The following NPHP4 variants were observed in gnomAD, a reference collection of about 807,000 sequenced individuals.
NPHP4 encodes the protein nephrocystin-4.
A neutral mutation model predicts 155.8 loss-of-function variants in NPHP4; 151 were observed. The ratio of observed to expected loss-of-function variants is 0.97; its 90% confidence interval spans 0.85 to 1.11. The LOEUF (loss-of-function observed/expected upper bound fraction) is 1.11, where lower values mean the gene tolerates loss of function less well. Ranked by LOEUF, NPHP4 falls within the 50% of genes least tolerant of loss-of-function variation. The pLI, the probability that NPHP4 is intolerant of heterozygous loss-of-function variation, is 0.00. For missense variants in NPHP4, 1,956 were observed against 1,925.7 expected, an observed-to-expected ratio of 1.02 and a Z score of -0.29; for synonymous variants, 845 against 816.8, an observed-to-expected ratio of 1.03 and a Z score of -0.59.
intron 11 of NPHP4, among the ~76,000 whole-genome samples, chr1:5,916,378 A>C (rs1360597283): frequency 6.6e-6 from 1 of 152,252 alleles, no homozygotes; most frequent in Non-Finnish European, 1.5e-5. Flanking sequence ...ATCATAAGTT[A>C]AACACTAGTG....
At chr1:5,893,316 G>T (rs185047654) in intron 16 of NPHP4, among the ~76,000 whole-genome samples, 1 of 152,106 alleles carries the variant, frequency 6.6e-6, no homozygotes, top group Non-Finnish European at 1.5e-5. Flanking sequence ...TAGTGGCCCC[G>T]AATGTCTGGT....
chr1:5,864,118 T>C, intron 28 of NPHP4, 85 bp from the exon 29 acceptor site: 12 of 1,464,484 alleles, frequency 8.2e-6, no homozygotes, highest in African/African-American at 1.4e-5. Context: ...CTGAGTCTCC[T>C]GTGCACCGTG....
rs1476774217 is a variant in NPHP4, at chr1:5,964,935, A to ATTTTTTT, written c.517+2363_517+2364insAAAAAAA. ...ATATATATTATATATATATATATATATATATATTTTTTTTTTTTGAGGCAG... is the reference window on the plus strand; with the variant it reads ...ATATATATTATATATATATATATATATTTTTTTTATATATTTTTTTTTTTTGAGGCAG... On this transcript the variant is annotated intron_variant, in intron 5 of 29. Coordinates refer to ENST00000378156, the MANE Select transcript of NPHP4 (RefSeq NM_015102.5). Among the ~76,000 whole-genome samples, 305 of 31,950 alleles carry ATTTTTTT rather than the reference A, an allele frequency of 9.5e-3. 5 individuals carry two copies. Among genetic ancestry groups the ATTTTTTT allele is most frequent in the East Asian group, 0.022 (33 of 1,468 alleles). The allele number at this position is 31,950 out of a possible 152,430, so 21.0% of individuals were successfully genotyped here.
In NPHP4 at chr1:5,930,535, C is replaced by A. The variant is rs144633876; in HGVS notation, c.1302+2612G>T. On this transcript the variant is annotated intron_variant, in intron 10 of 29. Coordinates refer to ENST00000378156, the MANE Select transcript of NPHP4 (RefSeq NM_015102.5). ...ATTTTCCCTTGAGATTTACTCTTTACTTTATGGATTTTTACATATTGTTTA... is the reference window on the plus strand; with the variant it reads ...ATTTTCCCTTGAGATTTACTCTTTAATTTATGGATTTTTACATATTGTTTA... Among the ~76,000 whole-genome samples the A allele has an allele frequency of 6.0e-3, 914 of 152,242 alleles. 11 individuals carry two copies. The highest frequency in any genetic ancestry group is 0.02 in the African/African-American group (814 of 41,538).
intron 7 of NPHP4, among the ~76,000 whole-genome samples, chr1:5,952,096 C>A (rs952221465): frequency 6.6e-6 from 1 of 152,184 alleles, no homozygotes; most frequent in Admixed American, 6.5e-5. Flanking sequence ...CAGACAGGAA[C>A]AGCAGGGAGT....
At chr1:5,869,057 A>ACACACATGCATGCCCACATGCATGCACC (rs1641676869) in intron 23 of NPHP4, among the ~76,000 whole-genome samples, 1 of 142,166 alleles carries the variant, frequency 7.0e-6, no homozygotes, top group African/African-American at 2.7e-5. Context: ...CCCCACACGC[A>ACACACATGCATGCCCACATGCATGCACC]CACACATGCA....
At chr1:5,940,310 G>A (rs1057272035) in intron 9 of NPHP4, among the ~76,000 whole-genome samples, 1 of 152,082 alleles carries the variant, frequency 6.6e-6, no homozygotes, top group Admixed American at 6.6e-5. Context: ...GCTAGGGAGT[G>A]ACGTAACAAG....
intron 2 of NPHP4, among the ~76,000 whole-genome samples, chr1:5,982,060 C>T (rs1290911515): frequency 6.6e-6 from 1 of 151,954 alleles, no homozygotes; most frequent in Non-Finnish European, 1.5e-5. Flanking sequence ...CTGTAGCGTA[C>T]GTTATCATGA....
At chr1:5,891,194 G>C (rs556490106) in intron 16 of NPHP4, among the ~76,000 whole-genome samples, 166 bp from the exon 17 acceptor site, 6 of 152,316 alleles carry the variant, frequency 3.9e-5, no homozygotes, top group Admixed American at 1.3e-4. Flanking sequence ...CAAATTAACA[G>C]AATGAAGAGT....
At chr1:5,962,177 T>TGTTA in intron 5 of NPHP4, among the ~76,000 whole-genome samples, 1 of 152,260 alleles carries the variant, frequency 6.6e-6, no homozygotes, top group East Asian at 1.9e-4. Context: ...CTTTTTTGTT[T>TGTTA]GTTTGTTTGT....
chr1:5,883,604 T>C (rs1337379227), intron 18 of NPHP4, among the ~76,000 whole-genome samples: 6 of 152,158 alleles, frequency 3.9e-5, no homozygotes. Context: ...AGCACCTCCA[T>C]TCACTGTGGG....
chr1:5,991,086 T>A (rs946009394), intron 1 of NPHP4, among the ~76,000 whole-genome samples: 1 of 151,316 alleles, frequency 6.6e-6, no homozygotes, highest in African/African-American at 2.4e-5. Flanking sequence ...GGAGGCGCTG[T>A]CAGGGTCCGG....
rs1434025489 is a variant in NPHP4, at chr1:5,891,006, C to T, written c.2166G>A (p.Arg722=). ...TCAGGAACCCAGGGCCCACCATGTA[C>T]CTCAGCTGGAAGCCAGGAGACCCTG... ...FDAGSPGFQL[R]YMVGPGFLKP... is the part of the protein sequence containing the mutation. Residue 722 remains arginine, a synonymous_variant, in exon 17 of 30, where the codon AGG becomes AGA. Coordinates refer to ENST00000378156, the MANE Select transcript of NPHP4 (RefSeq NM_015102.5). The T allele has an allele frequency of 6.4e-7, 1 of 1,561,970 alleles. No homozygotes were observed. The highest frequency in any genetic ancestry group is 2.3e-5 in the East Asian group (1 of 43,666).
intron 18 of NPHP4, among the ~76,000 whole-genome samples, chr1:5,886,314 G>A (rs1229780017): frequency 2.6e-5 from 4 of 152,186 alleles, no homozygotes; most frequent in South Asian, 2.1e-4. Context: ...CCTCCAAGTC[G>A]ACTTAACGAG....
Position 5,944,701 on chromosome 1 carries a change from G to A in NPHP4, c.1119+2403C>T, listed in dbSNP as rs576792512. 6.6e-6 allele frequency among the ~76,000 whole-genome samples: 1 copy of A among 152,330 alleles called. No homozygotes were observed. The highest frequency in any genetic ancestry group is 2.1e-4 in the South Asian group (1 of 4,828). ...GTACCAATGACTGGCCGGGCGCGGT[G>A]GTTCACGTCTGGAACCTGAGCACTT... On this transcript the variant is annotated intron_variant, in intron 9 of 29. Transcript: ENST00000378156. The surrounding 1 kb of genome is among the most constrained non-coding windows in gnomAD (Gnocchi z 4.3).
chr1:5,966,858 G>A (rs114617293), intron 5 of NPHP4, among the ~76,000 whole-genome samples: 1,541 of 152,306 alleles, frequency 0.01, 29 homozygotes, highest in African/African-American at 0.034. Flanking sequence ...GCCTGGGAAC[G>A]GCTGGTCACT....
At chr1:5,907,393 T>G (rs971479144) in intron 12 of NPHP4, among the ~76,000 whole-genome samples, 171 bp from the exon 13 acceptor site, 4 of 152,202 alleles carry the variant, frequency 2.6e-5, no homozygotes, top group Non-Finnish European at 5.9e-5. Context: ...TGGGACCGCT[T>G]CTCAAGTTCC....
intron 2 of NPHP4, among the ~76,000 whole-genome samples, chr1:5,980,505 A>C (rs1237529005): frequency 6.6e-6 from 1 of 152,222 alleles, no homozygotes; most frequent in Non-Finnish European, 1.5e-5. Context: ...TTCTAAGCAG[A>C]AATGACACAA....
At chr1:5,891,878 A>G (rs1487639693) in intron 16 of NPHP4, among the ~76,000 whole-genome samples, 1 of 152,198 alleles carries the variant, frequency 6.6e-6, no homozygotes, top group East Asian at 1.9e-4. Flanking sequence ...ACCACATTCC[A>G]TCTGCGTTTC....
Sources: gnomAD v4.1 joint callset for allele counts (sites outside exome capture counted in the v4.1 genomes callset) on GRCh38, gnomAD v4.1.1 for gene constraint, Gnocchi (gnomAD v3.1) non-coding constraint, MANE v1.5 for transcripts, NCBI Gene and HGNC (gene_info 2026-07-23, HGNC 2026-07-21) for gene names.